Variants in PRKG1 observed in about 807,000 individuals in gnomAD.
PRKG1 encodes the protein cGMP-dependent protein kinase 1.
Under a neutral mutation model 88.1 loss-of-function variants are expected in PRKG1, and 35 were observed. The ratio of observed to expected loss-of-function variants is 0.40; its 90% CI spans 0.30 to 0.53. The LOEUF (loss-of-function observed/expected upper bound fraction) is 0.53. PRKG1 is among the 20% of genes least tolerant of loss of function. The pLI, the probability that PRKG1 is intolerant of heterozygous loss-of-function variation, is 0.59. For synonymous variants in PRKG1, 303 were observed against 292.5 expected, an observed-to-expected ratio of 1.04 and a Z score of -0.37; for missense variants, 540 against 839.8, an observed-to-expected ratio of 0.64 and a Z score of 4.41.
At chr10:51,338,973 A>G (rs569557230) in intron 2 of PRKG1, among the ~76,000 whole-genome samples, 118 of 152,326 alleles carry the variant, frequency 7.7e-4, no homozygotes, top group African/African-American at 2.6e-3. Flanking sequence ...ATAATAGGCC[A>G]TGTTTGGAAA....
chr10:51,692,412 T>C (rs1030770603), intron 3 of PRKG1, among the ~76,000 whole-genome samples: 21 of 151,978 alleles, frequency 1.4e-4, no homozygotes, highest in Non-Finnish European at 2.2e-4. Flanking sequence ...CCCTGGCTAA[T>C]TTTTTTGTAT....
chr10:51,911,630 A>G (rs1406260891), intron 5 of PRKG1, among the ~76,000 whole-genome samples: 1 of 152,222 alleles, frequency 6.6e-6, no homozygotes, highest in Non-Finnish European at 1.5e-5. Context: ...CACAAAATGC[A>G]AAGTAGACAT....
At chr10:51,023,461 G>C (rs190446871) in intron 1 of PRKG1, among the ~76,000 whole-genome samples, 1 of 152,096 alleles carries the variant, frequency 6.6e-6, no homozygotes, top group African/African-American at 2.4e-5. Context: ...GAGAAGTTTG[G>C]TACAATAACT....
At chr10:51,130,764 A>C (rs1295523456) in intron 1 of PRKG1, among the ~76,000 whole-genome samples, 2 of 151,910 alleles carry the variant, frequency 1.3e-5, no homozygotes, top group African/African-American at 2.4e-5. Flanking sequence ...TCAACCGGGC[A>C]TGGTGGCAGG....
At position 51,484,972 on chromosome 10, in the gene PRKG1, C is replaced by A. The variant is rs1327566172; in HGVS notation, c.592+17136C>A. On this transcript the variant is annotated intron_variant, in intron 3 of 17. Coordinates refer to ENST00000373980, the MANE Select transcript of PRKG1 (RefSeq NM_006258.4). ...GCAAAGAGATATATGTACTAATAAT[C>A]TTAACTAGGTAGTTGCAAAATCCAA... Among the ~76,000 whole-genome samples the A allele has an allele frequency of 2.6e-5, 4 of 152,282 alleles. No homozygotes were observed. In the East Asian group the frequency reaches 5.8e-4, roughly 22 times the overall value.
At chr10:51,773,124 A>C (rs1838347622) in intron 3 of PRKG1, among the ~76,000 whole-genome samples, 1 of 152,064 alleles carries the variant, frequency 6.6e-6, no homozygotes, top group African/African-American at 2.4e-5. Context: ...CATAGAAATA[A>C]ACTATTGCTC....
In PRKG1 at chr10:51,611,484, T is replaced by TAAA. The variant is rs58617683; in HGVS notation, c.592+143656_592+143658dup. Among the ~76,000 whole-genome samples, 155 of 149,620 alleles carry TAAA rather than the reference T, an allele frequency of 1.0e-3. No individual in the cohort carries two copies. The East Asian group carries it at 0.018, about 17-fold the overall frequency. ...TTTAATAAGATTATTTGCCCTTTTT[T>TAAA]AAAAAAAAAACGTTAAATTGTTTCT... On this transcript the variant is annotated intron_variant, in intron 3 of 17. Transcript: ENST00000373980.
At chr10:51,024,095 A>G (rs1002948669) in intron 1 of PRKG1, among the ~76,000 whole-genome samples, 1 of 152,240 alleles carries the variant, frequency 6.6e-6, no homozygotes, top group African/African-American at 2.4e-5. Context: ...TCAAGCAGTC[A>G]TCACTGCCTG....
At chr10:51,778,557 A>T (rs1442804320) in intron 3 of PRKG1, among the ~76,000 whole-genome samples, 1 of 152,206 alleles carries the variant, frequency 6.6e-6, no homozygotes, top group Non-Finnish European at 1.5e-5. Flanking sequence ...TTTTTAAAAG[A>T]AGAGAACATA....
intron 2 of PRKG1, among the ~76,000 whole-genome samples, chr10:51,223,223 T>TGATTGTGGATTGTGTTTCAAGCAATCTAG (rs1838598550): frequency 1.5e-4 from 23 of 152,120 alleles, no homozygotes; most frequent in Admixed American, 1.5e-3. Context: ...ACCTAAATTC[T>TGATTGTGGATTGTGTTTCAAGCAATCTAG]GATTGTGGAT....
intron 2 of PRKG1, among the ~76,000 whole-genome samples, chr10:51,412,503 G>C (rs752649841): frequency 6.6e-6 from 1 of 152,098 alleles, no homozygotes; most frequent in Non-Finnish European, 1.5e-5. Flanking sequence ...AATTAGCCAA[G>C]CGTGGTGGTG....
At chr10:52,203,800 T>G (rs1839738979) in intron 9 of PRKG1, among the ~76,000 whole-genome samples, 1 of 152,238 alleles carries the variant, frequency 6.6e-6, no homozygotes, top group African/African-American at 2.4e-5. Context: ...ATTGTCGGAT[T>G]AAAGTCTGTT....
At chr10:51,943,849 T>G (rs892374566) in intron 5 of PRKG1, among the ~76,000 whole-genome samples, 10 of 152,106 alleles carry the variant, frequency 6.6e-5, no homozygotes, top group African/African-American at 2.2e-4. Context: ...TGCTGGATTC[T>G]GTTTGCCAGT....
Position 52,293,943 on chromosome 10 carries a change from T to C in PRKG1, c.*43T>C. 2 of 1,513,860 alleles carry C rather than the reference T, an allele frequency of 1.3e-6. No individual in the cohort carries two copies. The highest frequency in any genetic ancestry group is 1.4e-5 in the African/African-American group (1 of 72,532). 93.8% of individuals were successfully genotyped at this position (1,513,860 alleles called of 1,614,324 possible). On this transcript the variant is annotated 3_prime_UTR_variant, in exon 18 of 18. Transcript: ENST00000373980. Reference sequence around the variant, plus strand: ...CTTCTGCCTTGCTGAAGACAGCTTTTTCTGAGACACAGCTGCCAGCAAACC... The same window carrying C: ...CTTCTGCCTTGCTGAAGACAGCTTTCTCTGAGACACAGCTGCCAGCAAACC...
chr10:51,208,748 G>A (rs1838132276), intron 2 of PRKG1, among the ~76,000 whole-genome samples: 1 of 152,160 alleles, frequency 6.6e-6, no homozygotes. Flanking sequence ...CACAATTCTG[G>A]ACATGTTCTG....
At chr10:51,245,109 C>G (rs546663231) in intron 2 of PRKG1, 1 of 152,238 alleles carries the variant, frequency 6.6e-6, no homozygotes, top group African/African-American at 2.4e-5. Context: ...AAGCACTGTA[C>G]TGCCAACAGA....
At chr10:52,086,493 T>C (rs1846918423) in intron 7 of PRKG1, among the ~76,000 whole-genome samples, 1 of 151,278 alleles carries the variant, frequency 6.6e-6, no homozygotes, top group Admixed American at 6.6e-5. Context: ...CAACCTCTGC[T>C]TCCCAGATTG....
chr10:52,055,432 T>C (rs926411532), intron 6 of PRKG1, among the ~76,000 whole-genome samples: 5 of 152,206 alleles, frequency 3.3e-5, no homozygotes, highest in African/African-American at 1.2e-4. Flanking sequence ...ACAAGGGTTA[T>C]GAATGAAAAA....
At chr10:51,876,617 C>A (rs1361798262) in intron 4 of PRKG1, among the ~76,000 whole-genome samples, 2 of 152,190 alleles carry the variant, frequency 1.3e-5, no homozygotes, top group African/African-American at 2.4e-5. Flanking sequence ...GTTCAGCAAA[C>A]GTTGTCAGTG....
Sources: allele counts gnomAD v4.1 joint callset (sites outside exome capture counted in the v4.1 genomes callset), GRCh38; gene constraint gnomAD v4.1.1; transcripts MANE v1.5; gene names NCBI Gene and HGNC (gene_info 2026-07-23, HGNC 2026-07-21).